Variants in SCP2 observed in about 807,000 individuals in gnomAD.
SCP2 encodes the protein SCP-2/3-oxoacyl-CoA thiolase.
In SCP2, 48 loss-of-function variants were observed where a neutral mutation model predicts 71.4. The observed-to-expected ratio is 0.67, with a 90% CI of 0.53 to 0.86. The LOEUF (loss-of-function observed/expected upper bound fraction) is 0.86. SCP2 is among the 40% of genes least tolerant of loss of function. The pLI, the probability that SCP2 is intolerant of heterozygous loss-of-function variation, is 0.00. For missense variants in SCP2, 560 were observed against 655.6 expected, an observed-to-expected ratio of 0.85 and a Z score of 1.59; for synonymous variants, 220 against 218.1, an observed-to-expected ratio of 1.01 and a Z score of -0.08.
chr1:53,029,160 TA>T (rs1662345641), intron 13 of SCP2, among the ~76,000 whole-genome samples: 2 of 152,200 alleles, frequency 1.3e-5, no homozygotes, highest in Non-Finnish European at 2.9e-5. Context: ...ATAATCATAC[TA>T]AGGCAATCTA....
intron 13 of SCP2, among the ~76,000 whole-genome samples, chr1:53,037,917 C>CAT (rs1231414586): frequency 0.015 from 1,722 of 117,358 alleles, 47 homozygotes; most frequent in African/African-American, 0.069. Context: ...CACACACACA[C>CAT]ACACACACAC....
intron 11 of SCP2, among the ~76,000 whole-genome samples, chr1:52,996,968 A>G (rs1659978494): frequency 6.6e-6 from 1 of 152,064 alleles, no homozygotes; most frequent in Non-Finnish European, 1.5e-5. Context: ...TTCTATTTTG[A>G]ACTTGCTGCC....
At chr1:52,979,087 A>G (rs144090308) in intron 9 of SCP2, among the ~76,000 whole-genome samples, 1 of 152,322 alleles carries the variant, frequency 6.6e-6, no homozygotes, top group Non-Finnish European at 1.5e-5. Flanking sequence ...ACTGCCCAAG[A>G]TCACAGTTAG....
chr1:52,961,565 G>T lies in SCP2; in HGVS notation c.459G>T (p.Leu153Phe). 6.2e-7 allele frequency: 1 copy of T among 1,613,612 alleles called. No individual in the cohort carries two copies. ...ACCTCCTGATCAATAAGTATGGATT[G>T]TCTGCTCACCCAGTTGCTCCTCAGA... ...HVDLLINKYGLSAHPVAPQMF... is the reference protein window; with the variant it reads ...HVDLLINKYGFSAHPVAPQMF... Residue 153 changes from leucine to phenylalanine, a missense_variant, in exon 6 of 16, where the codon TTG becomes TTT. This residue lies in a region of SCP2 where 513 missense variants were observed against 573.1 expected (regional missense o/e 0.90). Coordinates refer to ENST00000371514, the MANE Select transcript of SCP2 (RefSeq NM_002979.5).
chr1:53,037,930 A>ACACG (rs1491412643), intron 13 of SCP2, among the ~76,000 whole-genome samples: 2 of 119,588 alleles, frequency 1.7e-5, no homozygotes, highest in Admixed American at 8.2e-5. Flanking sequence ...ACACACACAC[A>ACACG]GATCCAGATC....
rs138009547 is a variant in SCP2, at chr1:52,987,579, TC to T, written c.974-449del. Among the ~76,000 whole-genome samples the T allele has an allele frequency of 6.2e-3, 952 of 152,332 alleles. 14 individuals carry two copies. Among genetic ancestry groups the T allele is most frequent in the African/African-American group, 0.022 (915 of 41,560 alleles). On this transcript the variant is annotated intron_variant, in intron 10 of 15. Transcript: ENST00000371514. ...TGGCTCAACAGTGTTTTCAGACATT[TC>T]TCTTCATTTTATGAAAGTGCCTTTT...
intron 4 of SCP2, among the ~76,000 whole-genome samples, chr1:52,953,112 A>G (rs1655470720): frequency 1.5e-5 from 2 of 132,026 alleles, no homozygotes; most frequent in South Asian, 4.7e-4. Context: ...TTGGCTCTTC[A>G]GTTGAACTTT....
chr1:52,930,636 G>A (rs919111892), intron 1 of SCP2, among the ~76,000 whole-genome samples: 1 of 150,840 alleles, frequency 6.6e-6, no homozygotes, highest in African/African-American at 2.5e-5. Flanking sequence ...CAAAAAAAAA[G>A]TGCTGCTCAC....
At chr1:53,014,685 A>T (rs764947562) in intron 11 of SCP2, among the ~76,000 whole-genome samples, 6 of 152,244 alleles carry the variant, frequency 3.9e-5, no homozygotes, top group Non-Finnish European at 8.8e-5. Flanking sequence ...CCAGAAAACG[A>T]CAGGTTAAGT....
In SCP2 at chr1:53,038,899, T is replaced by A; in HGVS notation, c.1339-18T>A. On this transcript the variant is annotated intron_variant, in intron 13 of 15. Coordinates refer to ENST00000371514, the MANE Select transcript of SCP2 (RefSeq NM_002979.5). Reference sequence around the variant, plus strand: ...AGAAATGGACTTAATGTAACCCCAGTGTTATTTTTCTTTCCAGGAAGGGGA... The same window carrying A: ...AGAAATGGACTTAATGTAACCCCAGAGTTATTTTTCTTTCCAGGAAGGGGA... The A allele has an allele frequency of 6.2e-7, 1 of 1,613,432 alleles. No homozygotes were observed. Among genetic ancestry groups the A allele is most frequent in the South Asian group, 1.1e-5 (1 of 91,034 alleles).
At chr1:52,959,538 C>G (rs1656140692) in intron 5 of SCP2, among the ~76,000 whole-genome samples, 1 of 151,616 alleles carries the variant, frequency 6.6e-6, no homozygotes, top group Non-Finnish European at 1.5e-5. Context: ...GCATTCTCAT[C>G]TTTGGGTCAT....
At chr1:52,999,895 C>A (rs559241350) in intron 11 of SCP2, among the ~76,000 whole-genome samples, 1 of 146,738 alleles carries the variant, frequency 6.8e-6, no homozygotes, top group Non-Finnish European at 1.5e-5. Flanking sequence ...CAGCTCATTG[C>A]AACCTCTGCC....
At chr1:52,966,883 A>G (rs1479283438) in intron 6 of SCP2, among the ~76,000 whole-genome samples, 3 of 147,276 alleles carry the variant, frequency 2.0e-5, no homozygotes, top group Non-Finnish European at 3.0e-5. Flanking sequence ...ACAGGACAAG[A>G]CTCCGTCTTA....
intron 15 of SCP2, chr1:53,049,350 GA>G (rs1182763238): frequency 6.6e-6 from 1 of 152,196 alleles, no homozygotes; most frequent in Non-Finnish European, 1.5e-5. Flanking sequence ...AAAAATAGCA[GA>G]CCTTTCTATT....
Position 53,021,662 on chromosome 1 carries a change from T to G in SCP2, c.1236-6307T>G, listed in dbSNP as rs76925569. ...TTTTCTTTCTTTTTTTTTTTTTTTT[T>G]GGGACAGAGTCTTGCCTTGTCACCC... is the stretch of plus-strand genomic sequence containing the variant. On this transcript the variant is annotated intron_variant, in intron 12 of 15. Coordinates refer to ENST00000371514, the MANE Select transcript of SCP2 (RefSeq NM_002979.5). Among the ~76,000 whole-genome samples the G allele has an allele frequency of 8.2e-5, 12 of 145,948 alleles. No homozygotes were observed. The East Asian group carries it at 1.2e-3, about 15-fold the overall frequency.
At chr1:52,993,559 C>T in intron 11 of SCP2, 2 of 1,612,190 alleles carry the variant, frequency 1.2e-6, no homozygotes, top group Non-Finnish European at 1.7e-6. Flanking sequence ...CCTCGCCAGT[C>T]CTCATATACT....
chr1:53,051,286 C>T lies in SCP2; in HGVS notation c.*582C>T, dbSNP rs1664182320. The T allele has an allele frequency of 6.6e-6, 1 of 152,100 alleles. No individual in the cohort carries two copies. The highest frequency in any genetic ancestry group is 1.9e-4 in the East Asian group (1 of 5,198). The allele number at this position is 152,100 out of a possible 1,614,324, so 9.4% of individuals were successfully genotyped here. ...AATATGATCAGAGCTTGAACACAGGCTTATTTTTAAAATAAAAATATTTTT... is the reference window on the plus strand; with the variant it reads ...AATATGATCAGAGCTTGAACACAGGTTTATTTTTAAAATAAAAATATTTTT... On this transcript the variant is annotated 3_prime_UTR_variant, in exon 16 of 16. Transcript: ENST00000371514.
At chr1:53,032,739 G>T (rs1165416806) in intron 13 of SCP2, among the ~76,000 whole-genome samples, 1 of 152,208 alleles carries the variant, frequency 6.6e-6, no homozygotes, top group Non-Finnish European at 1.5e-5. Context: ...GTGTCAGATG[G>T]ATATGTTAGT....
chr1:52,986,585 T>G (rs1182054388), intron 10 of SCP2, among the ~76,000 whole-genome samples: 2 of 152,144 alleles, frequency 1.3e-5, no homozygotes, highest in African/African-American at 4.8e-5. Context: ...TATAATATAT[T>G]AGCTGAGAAC....
Sources: gnomAD v4.1 joint callset for allele counts (sites outside exome capture counted in the v4.1 genomes callset) on GRCh38, gnomAD v4.1.1 for gene constraint, gnomAD v4.1.1 regional missense constraint, MANE v1.5 for transcripts, NCBI Gene and HGNC (gene_info 2026-07-23, HGNC 2026-07-21) for gene names.